AIDA: variants seen among roughly 807,000 people sequenced by gnomAD.
AIDA encodes the protein axin interactor, dorsalization associated, also known as axin interactor, dorsalization-associated protein.
AIDA carries 18 observed loss-of-function variants against 42.7 expected under a neutral mutation model. The observed-to-expected ratio is 0.42, with a 90% CI of 0.29 to 0.63. AIDA has a LOEUF of 0.63. AIDA is among the 20% of genes least tolerant of loss of function. AIDA has a pLI of 0.19. For missense variants in AIDA, 250 were observed against 354.1 expected, an observed-to-expected ratio of 0.71 and a Z score of 2.36; for synonymous variants, 104 against 122.9, an observed-to-expected ratio of 0.85 and a Z score of 1.02.
chr1:222,712,487 C>A lies in AIDA; in HGVS notation c.-170G>T. ...AAGCCCATTTGCCGCCACAGCCAAA[C>A]TTTGCGGCTCCAAAGCGACCGCCCC... On this transcript the variant is annotated 5_prime_UTR_variant, in exon 1 of 10. Transcript: ENST00000340020. The A allele has an allele frequency of 2.8e-6, 4 of 1,416,342 alleles. No individual in the cohort carries two copies. Among genetic ancestry groups the A allele is most frequent in the Non-Finnish European group, 3.7e-6 (4 of 1,088,402 alleles). The allele number at this position is 1,416,342 out of a possible 1,614,324, so 87.7% of individuals were successfully genotyped here. A position where few individuals can be genotyped will look rare whatever the true frequency, so the allele number is the denominator to read the frequency against.
At chr1:222,693,308 T>G (rs972550916) in intron 4 of AIDA, among the ~76,000 whole-genome samples, 1 of 152,176 alleles carries the variant, frequency 6.6e-6, no homozygotes, top group Non-Finnish European at 1.5e-5. Flanking sequence ...AAAAGCTTTA[T>G]TTGGCAGCAT....
chr1:222,712,269 T>G lies in AIDA; in HGVS notation c.49A>C (p.Arg17=). ...SLLQRWGASF[R]RGADFDSWGQ... is the part of the protein sequence containing the mutation. ...CAAGAGTCGAAGTCGGCGCCTCTCC[T>G]AAAACTGGCGCCCCAGCGCTGCAGC... The change falls in exon 1 of 10, where the codon AGG becomes CGG. Residue 17 remains arginine, a synonymous_variant. Coordinates refer to ENST00000340020, the MANE Select transcript of AIDA (RefSeq NM_022831.4). The G allele has an allele frequency of 1.3e-6, 2 of 1,588,168 alleles. No individual in the cohort carries two copies. Among genetic ancestry groups the G allele is most frequent in the South Asian group, 1.1e-5 (1 of 87,854 alleles).
intron 6 of AIDA, among the ~76,000 whole-genome samples, chr1:222,677,098 A>G (rs535395450): frequency 3.0e-4 from 46 of 152,184 alleles, no homozygotes; most frequent in Non-Finnish European, 6.0e-4. Flanking sequence ...TTTCTTCACA[A>G]AAGTCTTATA....
In AIDA at chr1:222,676,218, C is replaced by G. The variant is rs752737232; in HGVS notation, c.461G>C (p.Gly154Ala). The G allele has an allele frequency of 1.2e-6, 2 of 1,605,306 alleles. No individual in the cohort carries two copies. Among genetic ancestry groups the G allele is most frequent in the Non-Finnish European group, 8.5e-7 (1 of 1,177,322 alleles). ...SPDSFPARVP[G>A]TLLPRLPSEP... ...CGATGGCAACCTTGGTAATAAAGTA[C>G]CTGGCAACAGAGAAAAAGCAATAAA... Residue 154 changes from glycine to alanine, a missense_variant and splice_region_variant, in exon 7 of 10, where the codon GGT (glycine) becomes GCT (alanine). Physicochemically the swap from Gly to Ala is moderately conservative, Grantham distance 60. Transcript: ENST00000340020.
intron 6 of AIDA, among the ~76,000 whole-genome samples, chr1:222,678,273 T>C (rs550340738): frequency 6.6e-6 from 1 of 152,050 alleles, no homozygotes; most frequent in East Asian, 1.9e-4. Flanking sequence ...TTTTCTAATG[T>C]GTTTGGGGTC....
chr1:222,670,698 C>T (rs1664431722), intron 8 of AIDA, among the ~76,000 whole-genome samples: 1 of 152,146 alleles, frequency 6.6e-6, no homozygotes, highest in South Asian at 2.1e-4. Context: ...CTCAAAAATT[C>T]AATCTTGGGG....
chr1:222,697,716 T>C (rs139000842), intron 2 of AIDA, among the ~76,000 whole-genome samples: 1 of 152,266 alleles, frequency 6.6e-6, no homozygotes, highest in East Asian at 1.9e-4. Flanking sequence ...CTAAAACGTA[T>C]TCAATCTATA....
At position 222,670,254 on chromosome 1, in the gene AIDA, A is replaced by G. The variant is rs773932418; in HGVS notation, c.707-4T>C. ...AATTCAAAGAAGATAGCTGCACCTAAGGAATTAAAACAAGCCACATAAACC... is the reference window on the plus strand; with the variant it reads ...AATTCAAAGAAGATAGCTGCACCTAGGGAATTAAAACAAGCCACATAAACC... On this transcript the variant is annotated splice_polypyrimidine_tract_variant and splice_region_variant and intron_variant, in intron 8 of 9. Coordinates refer to ENST00000340020, the MANE Select transcript of AIDA (RefSeq NM_022831.4). The G allele has an allele frequency of 3.1e-6, 5 of 1,611,118 alleles. No homozygotes were observed. Among genetic ancestry groups the G allele is most frequent in the Non-Finnish European group, 3.4e-6 (4 of 1,177,972 alleles).
At chr1:222,679,907 A>T (rs1664623001) in intron 6 of AIDA, among the ~76,000 whole-genome samples, 1 of 152,190 alleles carries the variant, frequency 6.6e-6, no homozygotes, top group African/African-American at 2.4e-5. Context: ...TCTGCCTCAC[A>T]CTTCTAAATA....
chr1:222,687,361 G>A (rs1655227874), intron 5 of AIDA, among the ~76,000 whole-genome samples: 1 of 152,102 alleles, frequency 6.6e-6, no homozygotes, highest in Non-Finnish European at 1.5e-5. Context: ...AACCCAGGAG[G>A]CGGAGGTTGC....
At position 222,669,726 on chromosome 1, in the gene AIDA, C is replaced by G. The variant is rs1664410430; in HGVS notation, c.*167G>C. Reference sequence around the variant, plus strand: ...GAGTCCTATACGTCAGTGTGATGTGCTGGACTCTGAATTCTGTGGTACAGC... The same window carrying G: ...GAGTCCTATACGTCAGTGTGATGTGGTGGACTCTGAATTCTGTGGTACAGC... On this transcript the variant is annotated 3_prime_UTR_variant, in exon 10 of 10. Coordinates refer to ENST00000340020, the MANE Select transcript of AIDA (RefSeq NM_022831.4). 2 of 796,650 alleles carry G rather than the reference C, an allele frequency of 2.5e-6. No individual in the cohort carries two copies. The highest frequency in any genetic ancestry group is 3.9e-5 in the South Asian group (2 of 51,150). 49.3% of individuals were successfully genotyped at this position (796,650 alleles called of 1,614,324 possible).
At chr1:222,681,446 C>T (rs949798976) in intron 6 of AIDA, among the ~76,000 whole-genome samples, 1 of 152,096 alleles carries the variant, frequency 6.6e-6, no homozygotes, top group African/African-American at 2.4e-5. Context: ...GGTGGATTAC[C>T]TGAGGTCAGG....
chr1:222,712,450 G>A lies in AIDA; in HGVS notation c.-133C>T, dbSNP rs547065665. The stretch of plus-strand genomic sequence containing the variant: ...GCTACGGCCACCACCGCCACCCGCC[G>A]AGGAGCCGCCCAAGCCCATTTGCCG... On this transcript the variant is annotated 5_prime_UTR_variant, in exon 1 of 10. Transcript: ENST00000340020. The A allele has an allele frequency of 2.3e-5, 33 of 1,433,268 alleles. No individual in the cohort carries two copies. The highest frequency in any genetic ancestry group is 1.6e-4 in the East Asian group (6 of 38,658). 88.8% of individuals were successfully genotyped at this position (1,433,268 alleles called of 1,614,324 possible). A position where few individuals can be genotyped will look rare whatever the true frequency, so the allele number is the denominator to read the frequency against.
At chr1:222,676,340 T>G in intron 6 of AIDA, 122 bp from the exon 7 acceptor site, 1 of 1,155,464 alleles carries the variant, frequency 8.7e-7, no homozygotes, top group Non-Finnish European at 1.2e-6. Flanking sequence ...ATTATTTTGG[T>G]TCCCGAAACT....
chr1:222,693,283 C>A (rs1655422297), intron 4 of AIDA, among the ~76,000 whole-genome samples: 1 of 152,116 alleles, frequency 6.6e-6, no homozygotes, highest in Admixed American at 6.5e-5. Flanking sequence ...AAAGAACATT[C>A]ATCTAAACCA....
intron 4 of AIDA, 67 bp from the exon 5 acceptor site, chr1:222,687,725 GATTA>G (rs2124957198): frequency 8.5e-7 from 1 of 1,179,492 alleles, no homozygotes; most frequent in East Asian, 2.7e-5. Context: ...TATCTTAAAT[GATTA>G]ATTTTTAATC....
At chr1:222,687,490 T>C in intron 5 of AIDA, 105 bp downstream of exon 5, 2 of 942,922 alleles carry the variant, frequency 2.1e-6, no homozygotes, top group South Asian at 1.6e-5. Context: ...ATTGTTGATG[T>C]CAATGATATC....
At chr1:222,677,379 T>C (rs1664569383) in intron 6 of AIDA, among the ~76,000 whole-genome samples, 6 of 152,064 alleles carry the variant, frequency 3.9e-5, no homozygotes, top group Admixed American at 3.3e-4. Context: ...GGGACAGGTT[T>C]CCCCCCCTCT....
intron 7 of AIDA, among the ~76,000 whole-genome samples, chr1:222,674,232 CCA>C (rs1459398172): frequency 6.6e-6 from 1 of 151,946 alleles, no homozygotes; most frequent in Non-Finnish European, 1.5e-5. Flanking sequence ...TTGCAGGTGA[CCA>C]CAGAGGCATG....
Sources: allele counts gnomAD v4.1 joint callset (sites outside exome capture counted in the v4.1 genomes callset), GRCh38; gene constraint gnomAD v4.1.1; transcripts MANE v1.5; gene names NCBI Gene and HGNC (gene_info 2026-07-23, HGNC 2026-07-21).